Variants in SVEP1 observed in about 807,000 individuals in gnomAD.
SVEP1 encodes the protein sushi, von Willebrand factor type A, EGF and pentraxin domain containing 1, also known as sushi, von Willebrand factor type A, EGF and pentraxin domain-containing protein 1.
In SVEP1, 164 loss-of-function variants were observed where a neutral mutation model predicts 367.3. That is an observed-to-expected ratio of 0.45 (90% CI 0.39 to 0.51). The LOEUF (loss-of-function observed/expected upper bound fraction) is 0.51. Among genes scored for constraint, SVEP1 ranks in the 20% least tolerant of loss-of-function variants. The pLI, the probability that SVEP1 is intolerant of heterozygous loss-of-function variation, is 0.00. For synonymous variants in SVEP1, 1,666 were observed against 1,611.6 expected (o/e 1.03, Z -0.81); for missense variants, 4,117 against 4,425.3 (o/e 0.93, Z 1.98).
chr9:110,384,407 G>T (rs1009768184), intron 43 of SVEP1, among the ~76,000 whole-genome samples: 4 of 151,884 alleles, frequency 2.6e-5, no homozygotes, highest in African/African-American at 9.7e-5. Flanking sequence ...GCCGGTGCAG[G>T]ATTCACTCAC....
chr9:110,541,766 T>G (rs1411760776), intron 3 of SVEP1, among the ~76,000 whole-genome samples: 1 of 147,654 alleles, frequency 6.8e-6, no homozygotes, highest in South Asian at 2.1e-4. Flanking sequence ...TATACATAGA[T>G]ATCTATATAT....
intron 14 of SVEP1, chr9:110,475,945 C>G (rs1195272607): frequency 3.0e-6 from 1 of 331,474 alleles, no homozygotes; most frequent in Non-Finnish European, 5.5e-6. Context: ...TTGAATTTTA[C>G]CAGCATATGT....
chr9:110,516,175 T>A (rs983696637), intron 3 of SVEP1, among the ~76,000 whole-genome samples: 5 of 149,206 alleles, frequency 3.4e-5, no homozygotes, highest in African/African-American at 1.2e-4. Context: ...CTAAATCATA[T>A]AATAAACTAA....
rs115035455 is a variant in SVEP1 at position 110,561,053 on chromosome 9, C to T, written c.532-10949G>A. ...TTTTACTATCTAGTGCTAAATAATG[C>T]TTCCAACCACAACCCTTACCACACC... On this transcript the variant is annotated intron_variant, in intron 1 of 47. Coordinates refer to ENST00000374469, the MANE Select transcript of SVEP1 (RefSeq NM_153366.4). Among the ~76,000 whole-genome samples the T allele has an allele frequency of 1.3e-3, 194 of 152,198 alleles. 3 individuals are homozygous for T. Among genetic ancestry groups the T allele is most frequent in the African/African-American group, 4.3e-3 (178 of 41,530 alleles).
intron 39 of SVEP1, among the ~76,000 whole-genome samples, chr9:110,401,597 G>C (rs10980372): frequency 3.3e-5 from 5 of 149,884 alleles, no homozygotes; most frequent in Admixed American, 3.3e-4. Context: ...ATTTTATAAA[G>C]AAATCCTCAA....
chr9:110,422,633 G>T lies in SVEP1; in HGVS notation c.5975+4958C>A, dbSNP rs1337893315. Among the ~76,000 whole-genome samples the T allele has an allele frequency of 6.6e-5, 7 of 105,612 alleles. No homozygotes were observed. In the East Asian group the frequency reaches 1.6e-3, roughly 25 times the overall value. The allele number at this position is 105,612 out of a possible 152,430, so 69.3% of individuals were successfully genotyped here. ...TCCCATTACTGGGTATATACCCAAA[G>T]GACTATAAATCATGCTGCTATAAAG... On this transcript the variant is annotated intron_variant, in intron 36 of 47. Coordinates refer to ENST00000374469, the MANE Select transcript of SVEP1 (RefSeq NM_153366.4).
intron 18 of SVEP1, among the ~76,000 whole-genome samples, chr9:110,461,124 C>T (rs1246754277): frequency 1.3e-5 from 2 of 152,160 alleles, no homozygotes; most frequent in Non-Finnish European, 2.9e-5. Context: ...ATCTGAAATT[C>T]TCTTGCCATT....
Position 110,366,419 on chromosome 9 carries a change from A to C in SVEP1, c.*120T>G. 1.0e-6 allele frequency: 1 copy of C among 974,066 alleles called. No individual in the cohort carries two copies. The highest frequency in any genetic ancestry group is 1.4e-6 in the Non-Finnish European group (1 of 711,844). The allele number at this position is 974,066 out of a possible 1,614,324, so 60.3% of individuals were successfully genotyped here. A position where few individuals can be genotyped will look rare whatever the true frequency, so the allele number is the denominator to read the frequency against. ...AATAAAAAAAGTAACCCCAAGTAAC[A>C]AGTTTACTAAACAAGACCCAGCACC... On this transcript the variant is annotated 3_prime_UTR_variant, in exon 48 of 48. Transcript: ENST00000374469.
At chr9:110,519,875 T>TC (rs1829856297) in intron 3 of SVEP1, among the ~76,000 whole-genome samples, 2 of 152,148 alleles carry the variant, frequency 1.3e-5, no homozygotes. Context: ...ACTTTTTTTT[T>TC]CTTTCACTAT....
intron 33 of SVEP1, 120 bp from the exon 34 acceptor site, chr9:110,430,124 GT>G: frequency 1.0e-6 from 1 of 953,224 alleles, no homozygotes; most frequent in Non-Finnish European, 1.4e-6. Flanking sequence ...TTTTTTTTTG[GT>G]GTGTGTGTGT....
chr9:110,542,523 T>G (rs1830164261), intron 3 of SVEP1, among the ~76,000 whole-genome samples: 1 of 152,212 alleles, frequency 6.6e-6, no homozygotes, highest in African/African-American at 2.4e-5. Flanking sequence ...AGATCTCAGC[T>G]GTCTGTCTAA....
At position 110,406,684 on chromosome 9, in the gene SVEP1, C is replaced by A; in HGVS notation, c.8916G>T (p.Gln2972His). The part of the protein sequence containing the change: ...GFSFIHGGHI[Q>H]YQCFPGYKLH... The stretch of plus-strand genomic sequence containing the variant: ...GCTTATAACCAGGAAAGCACTGATA[C>A]TGTATATGGCCCCCATGAATAAAGG... Residue 2972 changes from glutamine (Q) to histidine (H), a missense_variant, in exon 38 of 48, where the codon CAG (glutamine) becomes CAT (histidine). Gln to His is a conservative substitution (Grantham distance 24, BLOSUM62 0). Around this residue, in one of 4 missense-constraint regions of SVEP1, gnomAD observed 1,765 missense variants for 1,781.1 expected, o/e 0.99. Coordinates refer to ENST00000374469, the MANE Select transcript of SVEP1 (RefSeq NM_153366.4). 2.5e-6 allele frequency: 4 copies of A among 1,613,994 alleles called. No individual in the cohort carries two copies. The highest frequency in any genetic ancestry group is 3.4e-6 in the Non-Finnish European group (4 of 1,179,906).
At position 110,565,620 on chromosome 9, in the gene SVEP1, G is replaced by T. The variant is rs538599022; in HGVS notation, c.531+13393C>A. On this transcript the variant is annotated intron_variant, in intron 1 of 47. Coordinates refer to ENST00000374469, the MANE Select transcript of SVEP1 (RefSeq NM_153366.4). Reference sequence around the variant, plus strand: ...GTAAGAATGGCATCTGAGAGAGAGTGAAGTGGGTGTGAGATAAGGGTGGTC... The same window carrying T: ...GTAAGAATGGCATCTGAGAGAGAGTTAAGTGGGTGTGAGATAAGGGTGGTC... Among the ~76,000 whole-genome samples the T allele has an allele frequency of 2.0e-5, 3 of 152,290 alleles. No homozygotes were observed. In the East Asian group the frequency reaches 5.8e-4, roughly 29 times the overall value.
At chr9:110,561,667 A>G (rs188070832) in intron 1 of SVEP1, among the ~76,000 whole-genome samples, 75 of 152,320 alleles carry the variant, frequency 4.9e-4, no homozygotes, top group Non-Finnish European at 8.7e-4. Context: ...TGTACTAGGG[A>G]TTTACCAATT....
At chr9:110,514,319 C>G (rs1829767584) in intron 3 of SVEP1, among the ~76,000 whole-genome samples, 1 of 151,806 alleles carries the variant, frequency 6.6e-6, no homozygotes, top group Non-Finnish European at 1.5e-5. Context: ...TGAGACCAGC[C>G]TGGCCAACAT....
chr9:110,544,428 A>G (rs904164465), intron 3 of SVEP1, among the ~76,000 whole-genome samples: 1 of 152,202 alleles, frequency 6.6e-6, no homozygotes, highest in African/African-American at 2.4e-5. Flanking sequence ...GTAAAAAACA[A>G]ATCCAACAAA....
rs773128065 is a variant in SVEP1, at chr9:110,481,262, G to T, written c.2345C>A (p.Thr782Asn). ...EDGVWKPTYTTEWPDCAKKRF... is the reference protein window; with the variant it reads ...EDGVWKPTYTNEWPDCAKKRF... ...CTTACTGGCACAGTCTGGCCATTCA[G>T]TGGTATATGTTGGTTTCCAGACGCC... The change falls in exon 12 of 48, where the codon ACT becomes AAT. Residue 782 changes from threonine (T) to asparagine (N), a missense_variant. Coordinates refer to ENST00000374469, the MANE Select transcript of SVEP1 (RefSeq NM_153366.4). The T allele has an allele frequency of 6.3e-7, 1 of 1,592,500 alleles. No homozygotes were observed. Among genetic ancestry groups the T allele is most frequent in the Non-Finnish European group, 8.6e-7 (1 of 1,168,642 alleles).
chr9:110,448,489 T>C (rs1828641483), intron 24 of SVEP1, among the ~76,000 whole-genome samples: 1 of 152,214 alleles, frequency 6.6e-6, no homozygotes, highest in Non-Finnish European at 1.5e-5. Flanking sequence ...TCAGTTGGAA[T>C]TGAGGGATCT....
rs1490779652 is a variant in SVEP1 at position 110,370,287 on chromosome 9, A to G, written c.10601-271T>C. On this transcript the variant is annotated intron_variant, in intron 46 of 47. Coordinates refer to ENST00000374469, the MANE Select transcript of SVEP1 (RefSeq NM_153366.4). ...TATTGAAGCCTTTGCTGATCACTCC[A>G]AGTCCACTGATTTTCCTCTTCTCTA... Among the ~76,000 whole-genome samples the G allele has an allele frequency of 2.0e-5, 3 of 152,100 alleles. No homozygotes were observed. The East Asian group carries it at 5.8e-4, about 29-fold the overall frequency.
Sources: allele counts gnomAD v4.1 joint callset (sites outside exome capture counted in the v4.1 genomes callset), GRCh38; gene constraint gnomAD v4.1.1; regional missense constraint gnomAD v4.1.1; transcripts MANE v1.5; gene names NCBI Gene and HGNC (gene_info 2026-07-23, HGNC 2026-07-21).